MYOZ1: variants seen among roughly 807,000 people sequenced by gnomAD.
The protein encoded by MYOZ1 is myozenin-1.
In MYOZ1, 20 loss-of-function variants were observed where a neutral mutation model predicts 28.7. The ratio of observed to expected loss-of-function variants is 0.70; its 90% confidence interval spans 0.49 to 1.01. The LOEUF is 1.01. MYOZ1 is among the 50% of genes least tolerant of loss of function. The pLI is 0.00. For missense variants in MYOZ1, 371 were observed against 372.4 expected, an observed-to-expected ratio of 1.00 and a Z score of 0.03; for synonymous variants, 144 against 145.8, an observed-to-expected ratio of 0.99 and a Z score of 0.09.
At chr10:73,638,018 T>C in intron 2 of MYOZ1, 96 bp from the exon 3 acceptor site, 1 of 1,146,804 alleles carries the variant, frequency 8.7e-7, no homozygotes, top group Non-Finnish European at 1.3e-6. Flanking sequence ...AGTGTGTATG[T>C]GTGTCCTGGC....
rs1237068122 is a variant in MYOZ1, at chr10:73,634,200, G to T, written c.503-135C>A. On this transcript the variant is annotated intron_variant, in intron 4 of 5. Coordinates refer to ENST00000359322, the MANE Select transcript of MYOZ1 (RefSeq NM_021245.4). ...TATAATATCCTGGTAATTGTATAAGGTTTGTGGCATAATGATAGTCTGTGG... is the reference window on the plus strand; with the variant it reads ...TATAATATCCTGGTAATTGTATAAGTTTTGTGGCATAATGATAGTCTGTGG... The T allele has an allele frequency of 5.3e-6, 6 of 1,133,950 alleles. No homozygotes were observed. In the African/African-American group the frequency reaches 7.9e-5, roughly 15 times the overall value. The allele number at this position is 1,133,950 out of a possible 1,614,324, so 70.2% of individuals were successfully genotyped here.
In MYOZ1 at chr10:73,632,057, T is replaced by C; in HGVS notation, c.773A>G (p.Tyr258Cys). ...AGGCCTGTTGGAGAGGTTTTGGTTG[T>C]AGAGGACCAGGGGTTCACTCAGCAA... ...GPLLSEPLVL[Y>C]NQNLSNRPSF... Residue 258 changes from tyrosine (Y) to cysteine (C), a missense_variant, in exon 6 of 6, where the codon TAC becomes TGC. Transcript: ENST00000359322. 1 of 1,614,088 alleles carries C rather than the reference T, an allele frequency of 6.2e-7. No individual in the cohort carries two copies. The highest frequency in any genetic ancestry group is 8.5e-7 in the Non-Finnish European group (1 of 1,180,014).
intron 3 of MYOZ1, among the ~76,000 whole-genome samples, chr10:73,636,955 T>C (rs1237410494): frequency 6.6e-6 from 1 of 152,062 alleles, no homozygotes; most frequent in Non-Finnish European, 1.5e-5. Context: ...GTATATTCTG[T>C]ATTTTAAAAT....
At chr10:73,635,253 TCCCTTG>T (rs1237171207) in intron 3 of MYOZ1, among the ~76,000 whole-genome samples, 110 of 151,952 alleles carry the variant, frequency 7.2e-4, no homozygotes, top group South Asian at 1.2e-3. Flanking sequence ...GAGGTAGGAC[TCCCTTG>T]GCTCGTTTCC....
At chr10:73,639,884 A>G in intron 2 of MYOZ1, 61 bp downstream of exon 2, 2 of 1,513,498 alleles carry the variant, frequency 1.3e-6, no homozygotes, top group Non-Finnish European at 1.8e-6. Context: ...TATTTCTGGG[A>G]CTCTTGGTTT....
At position 73,632,100 on chromosome 10, in the gene MYOZ1, T is replaced by C. The variant is rs1463559900; in HGVS notation, c.730A>G (p.Lys244Glu). 1.2e-6 allele frequency: 2 copies of C among 1,614,074 alleles called. No individual in the cohort carries two copies. Among genetic ancestry groups the C allele is most frequent in the Non-Finnish European group, 1.7e-6 (2 of 1,180,040 alleles). The change falls in exon 6 of 6, where the codon AAG becomes GAG. Residue 244 changes from lysine to glutamate, a missense_variant. Coordinates refer to ENST00000359322, the MANE Select transcript of MYOZ1 (RefSeq NM_021245.4). ...CTCAGCAAGGGCCCCAGGTCAAACT[T>C]GGGCATCTGGAAGGTCATGCGTTTG... ...ASKRMTFQMP[K>E]FDLGPLLSEP...
intron 5 of MYOZ1, 34 bp downstream of exon 5, chr10:73,633,866 A>G (rs2081650544): frequency 1.9e-6 from 3 of 1,574,408 alleles, no homozygotes; most frequent in Non-Finnish European, 2.6e-6. Context: ...GCCTCACACT[A>G]GAATGCATCT....
At chr10:73,635,388 C>A (rs192107940) in intron 3 of MYOZ1, among the ~76,000 whole-genome samples, 9 of 151,738 alleles carry the variant, frequency 5.9e-5, no homozygotes, top group East Asian at 5.8e-4. Context: ...AAAAAAAATT[C>A]TTTTGCTTTT....
Position 73,631,859 on chromosome 10 carries a change from A to C in MYOZ1, c.*71T>G. The C allele has an allele frequency of 4.6e-6, 6 of 1,315,042 alleles. No individual in the cohort carries two copies. In the East Asian group the frequency reaches 1.4e-4, roughly 31 times the overall value. The allele number at this position is 1,315,042 out of a possible 1,614,324, so 81.5% of individuals were successfully genotyped here. ...GGATACTGGATTAACAATGGGGGCTATCTGCTCAGCATTCCCTCTCCAAAT... is the reference window on the plus strand; with the variant it reads ...GGATACTGGATTAACAATGGGGGCTCTCTGCTCAGCATTCCCTCTCCAAAT... On this transcript the variant is annotated 3_prime_UTR_variant, in exon 6 of 6. Transcript: ENST00000359322.
Position 73,637,936 on chromosome 10 carries a change from AAAG to A in MYOZ1, c.74-17_74-15del, listed in dbSNP as rs762153994. On this transcript the variant is annotated splice_polypyrimidine_tract_variant and intron_variant, in intron 2 of 5. Transcript: ENST00000359322. ...TCTCCTGTCCACCTTTCAGGGAGGC[AAAG>A]AAGAAGAATCAAGGGAAAGAGGAAA... The A allele has an allele frequency of 5.0e-6, 8 of 1,598,132 alleles. No individual in the cohort carries two copies. The South Asian group carries it at 5.6e-5, about 11-fold the overall frequency.
In MYOZ1 at chr10:73,637,016, T is replaced by TC. The variant is rs1458890345; in HGVS notation, c.252+727_252+728insG. Among the ~76,000 whole-genome samples the TC allele has an allele frequency of 3.4e-5, 5 of 145,014 alleles. 1 individual carries two copies. The highest frequency in any genetic ancestry group is 1.3e-4 in the African/African-American group (5 of 39,240). ...TCTTCCTTTTTTCTTTTTTCTTTCT[T>TC]TTTTTTTTTTTTTTGAGACAGAGTT... On this transcript the variant is annotated intron_variant, in intron 3 of 5. Coordinates refer to ENST00000359322, the MANE Select transcript of MYOZ1 (RefSeq NM_021245.4).
At chr10:73,638,450 A>G (rs1036463700) in intron 2 of MYOZ1, among the ~76,000 whole-genome samples, 1 of 150,988 alleles carries the variant, frequency 6.6e-6, no homozygotes, top group African/African-American at 2.4e-5. Context: ...CTCCTGCCTC[A>G]GCCTCCCAGG....
chr10:73,639,864 C>A, intron 2 of MYOZ1, 81 bp downstream of exon 2: 1 of 1,415,832 alleles, frequency 7.1e-7, no homozygotes, highest in Non-Finnish European at 9.9e-7. Context: ...TTTGTTCACC[C>A]TAAGATATAT....
At position 73,640,034 on chromosome 10, in the gene MYOZ1, G is replaced by T; in HGVS notation, c.-17C>A. ...GAGCGGCATTGTGGAGGTGGATTCA[G>T]CCTGGACAGGGTGGGAAGGAGGAGT... On this transcript the variant is annotated splice_region_variant and 5_prime_UTR_variant, in exon 2 of 6. In the 5' UTR this introduces an upstream ATG that the reference lacks. Coordinates refer to ENST00000359322, the MANE Select transcript of MYOZ1 (RefSeq NM_021245.4). The T allele has an allele frequency of 6.2e-7, 1 of 1,613,302 alleles. No homozygotes were observed. Among genetic ancestry groups the T allele is most frequent in the Non-Finnish European group, 8.5e-7 (1 of 1,179,586 alleles).
intron 2 of MYOZ1, among the ~76,000 whole-genome samples, chr10:73,638,526 G>T (rs2081682444): frequency 6.6e-6 from 1 of 151,548 alleles, no homozygotes; most frequent in Non-Finnish European, 1.5e-5. Flanking sequence ...TAGGGATGGG[G>T]TTTCACCATG....
In MYOZ1 at chr10:73,632,131, C is replaced by T. The variant is rs1185994213; in HGVS notation, c.699G>A (p.Lys233=). The T allele has an allele frequency of 6.2e-7, 1 of 1,614,050 alleles. No individual in the cohort carries two copies. The highest frequency in any genetic ancestry group is 8.5e-7 in the Non-Finnish European group (1 of 1,180,028). ...RTAMPYGGYE[K]ASKRMTFQMP... Reference sequence around the variant, plus strand: ...TCTGGAAGGTCATGCGTTTGGAGGCCTTCTCATATCCACCATAGGGCATTG... The same window carrying T: ...TCTGGAAGGTCATGCGTTTGGAGGCTTTCTCATATCCACCATAGGGCATTG... Residue 233 remains lysine, a synonymous_variant, in exon 6 of 6, where the codon AAG becomes AAA. Transcript: ENST00000359322.
At position 73,632,016 on chromosome 10, in the gene MYOZ1, G is replaced by T. The variant is rs1401814232; in HGVS notation, c.814C>A (p.Pro272Thr). 3.7e-6 allele frequency: 6 copies of T among 1,614,002 alleles called. No individual in the cohort carries two copies. Among genetic ancestry groups the T allele is most frequent in the Non-Finnish European group, 5.1e-6 (6 of 1,180,042 alleles). Residue 272 changes from proline (P) to threonine (T), a missense_variant, in exon 6 of 6, where the codon CCT becomes ACT. Physicochemically the swap from Pro to Thr is conservative, Grantham distance 38. Transcript: ENST00000359322. ...LSNRPSFNRT[P>T]IPWLSSGEPV... ...TCCCCAGAGCTCAGCCAGGGAATAG[G>T]GGTTCGATTGAAAGAAGGCCTGTTG...
intron 5 of MYOZ1, among the ~76,000 whole-genome samples, chr10:73,633,451 G>A (rs1193588570): frequency 2.0e-5 from 3 of 150,948 alleles, no homozygotes; most frequent in African/African-American, 7.3e-5. Context: ...AAAGCAGGCC[G>A]GGCACGGTGG....
chr10:73,638,672 T>TTATTTATTTATTTATG (rs2081684084), intron 2 of MYOZ1, among the ~76,000 whole-genome samples: 1 of 149,578 alleles, frequency 6.7e-6, no homozygotes, highest in East Asian at 2.0e-4. Flanking sequence ...ATTTATTTAT[T>TTATTTATTTATTTATG]TATTTATTTA....
Sources: gnomAD v4.1 joint callset for allele counts (sites outside exome capture counted in the v4.1 genomes callset) on GRCh38, gnomAD v4.1.1 for gene constraint, MANE v1.5 for transcripts, NCBI Gene and HGNC (gene_info 2026-07-23, HGNC 2026-07-21) for gene names.